The following WWTR1 variants were observed in gnomAD, a reference collection of about 807,000 sequenced individuals.
WWTR1 encodes the protein WW domain containing transcription regulator 1, also known as WW domain-containing transcription regulator protein 1.
A neutral mutation model predicts 40.1 loss-of-function variants in WWTR1; 13 were observed. That is an observed-to-expected ratio of 0.32 (90% CI 0.21 to 0.52). The LOEUF is 0.52. WWTR1 is among the 20% of genes least tolerant of loss of function. The pLI is 0.97. For missense variants in WWTR1, 436 were observed against 523.1 expected (o/e 0.83, Z 1.63); for synonymous variants, 230 against 210.1 (o/e 1.09, Z -0.82).
chr3:149,649,507 C>T (rs1712724649), intron 2 of WWTR1, among the ~76,000 whole-genome samples: 1 of 152,248 alleles, frequency 6.6e-6, no homozygotes, highest in Admixed American at 6.5e-5. Context: ...TAGCACTGAG[C>T]AAGTGAACAT....
intron 4 of WWTR1, chr3:149,540,078 CTACA>C (rs1172487929): frequency 9.0e-6 from 2 of 221,658 alleles, no homozygotes; most frequent in African/African-American, 4.1e-5. Context: ...CTCCTCCTAA[CTACA>C]CACACACACA....
At chr3:149,641,493 T>A (rs187633989) in intron 2 of WWTR1, among the ~76,000 whole-genome samples, 36 of 152,350 alleles carry the variant, frequency 2.4e-4, no homozygotes, top group Admixed American at 2.0e-3. Context: ...CTGGGAAATT[T>A]GAGTCCTTTA....
intron 2 of WWTR1, among the ~76,000 whole-genome samples, chr3:149,642,751 G>A (rs899228592): frequency 6.6e-6 from 1 of 151,568 alleles, no homozygotes; most frequent in Non-Finnish European, 1.5e-5. Flanking sequence ...CTCCAGCCTG[G>A]GCGACAGAGT....
intron 2 of WWTR1, among the ~76,000 whole-genome samples, chr3:149,580,027 C>G (rs1738066115): frequency 6.6e-6 from 1 of 152,190 alleles, no homozygotes; most frequent in African/African-American, 2.4e-5. Flanking sequence ...GGCAAGGAGT[C>G]TTGCCGAAGA....
chr3:149,555,968 G>A (rs969048294), intron 3 of WWTR1, among the ~76,000 whole-genome samples: 8 of 152,218 alleles, frequency 5.3e-5, no homozygotes, highest in African/African-American at 1.9e-4. Context: ...CTCTAAATCT[G>A]AATGAAGTAT....
chr3:149,723,552 G>T (rs752651829), intron 4 of WWTR1, among the ~76,000 whole-genome samples: 48 of 152,256 alleles, frequency 3.2e-4, no homozygotes, highest in Non-Finnish European at 5.1e-4. Flanking sequence ...GGATCAGCCA[G>T]AAGTATAAAG....
chr3:149,568,637 G>A (rs1205147059), intron 3 of WWTR1, among the ~76,000 whole-genome samples: 1 of 147,192 alleles, frequency 6.8e-6, no homozygotes, highest in African/African-American at 2.5e-5. Context: ...CTGCCAACCT[G>A]CAGAAAGAAT....
chr3:149,557,136 T>A (rs1202056799), intron 3 of WWTR1, among the ~76,000 whole-genome samples: 1 of 135,030 alleles, frequency 7.4e-6, no homozygotes, highest in Non-Finnish European at 1.5e-5. Context: ...AATGGCACGG[T>A]CTCAGCTCAC....
At chr3:149,711,239 C>T (rs1011092725) in intron 5 of WWTR1, among the ~76,000 whole-genome samples, 3 of 151,156 alleles carry the variant, frequency 2.0e-5, no homozygotes, top group Admixed American at 6.6e-5. Flanking sequence ...GCCAAGGTGG[C>T]TTGAGCCCAG....
intron 1 of WWTR1, among the ~76,000 whole-genome samples, chr3:149,689,426 G>C (rs1241228970): frequency 2.1e-5 from 1 of 47,844 alleles, no homozygotes; most frequent in Non-Finnish European, 5.0e-5. Flanking sequence ...AAAAAAAAAA[G>C]AATAACCCAA....
chr3:149,578,167 C>G (rs1338149081), intron 2 of WWTR1, among the ~76,000 whole-genome samples: 1 of 152,126 alleles, frequency 6.6e-6, no homozygotes, highest in Non-Finnish European at 1.5e-5. Flanking sequence ...TACTGCCAGA[C>G]TCTGTGGGCT....
intron 2 of WWTR1, among the ~76,000 whole-genome samples, chr3:149,636,025 AT>A (rs1218865611): frequency 6.6e-6 from 1 of 152,196 alleles, no homozygotes; most frequent in African/African-American, 2.4e-5. Flanking sequence ...CAAGTAAAGA[AT>A]AAAAAAGTTC....
intron 2 of WWTR1, among the ~76,000 whole-genome samples, chr3:149,640,344 T>C (rs561971251): frequency 2.5e-4 from 38 of 152,372 alleles, no homozygotes; most frequent in African/African-American, 8.4e-4. Context: ...TGAAAGTTTC[T>C]ATGGCTTGCA....
At chr3:149,681,111 CAA>C (rs2108203604) in intron 1 of WWTR1, among the ~76,000 whole-genome samples, 1 of 152,328 alleles carries the variant, frequency 6.6e-6, no homozygotes, top group South Asian at 2.1e-4. Context: ...AACTGCCATC[CAA>C]AGAGACTGAA....
chr3:149,679,329 A>T (rs1331299300), intron 1 of WWTR1, among the ~76,000 whole-genome samples: 1 of 152,230 alleles, frequency 6.6e-6, no homozygotes, highest in Non-Finnish European at 1.5e-5. Flanking sequence ...TCCACATCAG[A>T]AAATTAGGAC....
chr3:149,698,468 C>T (rs999070464), intron 1 of WWTR1, among the ~76,000 whole-genome samples: 2 of 152,198 alleles, frequency 1.3e-5, no homozygotes, highest in Admixed American at 1.3e-4. Flanking sequence ...TTATAAATTA[C>T]CCATTTTCAG....
At chr3:149,541,116 T>C (rs1313950026) in intron 4 of WWTR1, 1 of 448,162 alleles carries the variant, frequency 2.2e-6, no homozygotes, top group Non-Finnish European at 4.5e-6. Context: ...TATTCATGTA[T>C]CTTGCTTCAT....
At chr3:149,600,160 A>G (rs1460918875) in intron 2 of WWTR1, among the ~76,000 whole-genome samples, 1 of 151,984 alleles carries the variant, frequency 6.6e-6, no homozygotes. Flanking sequence ...TGTATCTTCC[A>G]GGGTCCTGGA....
intron 1 of WWTR1, among the ~76,000 whole-genome samples, chr3:149,687,562 G>A (rs926499005): frequency 3.3e-5 from 5 of 152,154 alleles, no homozygotes; most frequent in African/African-American, 1.2e-4. Context: ...ACAATCATAT[G>A]AGAAAGGTAC....
Sources: gnomAD v4.1 joint callset for allele counts (sites outside exome capture counted in the v4.1 genomes callset) on GRCh38, gnomAD v4.1.1 for gene constraint, MANE v1.5 for transcripts, NCBI Gene and HGNC (gene_info 2026-07-23, HGNC 2026-07-21) for gene names.